The following CACNA2D1 variants were observed in gnomAD, a reference collection of about 807,000 sequenced individuals.
CACNA2D1 encodes calcium voltage-gated channel auxiliary subunit alpha2delta 1.
Under a neutral mutation model 171.5 loss-of-function variants are expected in CACNA2D1, and 53 were observed. The observed-to-expected ratio is 0.31, with a 90% CI of 0.25 to 0.39. CACNA2D1 has a LOEUF of 0.39. CACNA2D1 is among the 10% of genes least tolerant of loss of function. CACNA2D1 has a pLI of 1.00. For synonymous variants in CACNA2D1, 442 were observed against 443.1 expected, an observed-to-expected ratio of 1.00 and a Z score of 0.03; for missense variants, 903 against 1,299.8, an observed-to-expected ratio of 0.69 and a Z score of 4.69.
chr7:82,081,691 C>A (rs1246726895), intron 7 of CACNA2D1, among the ~76,000 whole-genome samples: 1 of 152,150 alleles, frequency 6.6e-6, no homozygotes, highest in African/African-American at 2.4e-5. Context: ...GGTCACTTTG[C>A]CAGCCAGAGA....
intron 4 of CACNA2D1, among the ~76,000 whole-genome samples, chr7:82,164,112 T>C (rs1379131748): frequency 6.6e-6 from 1 of 151,978 alleles, no homozygotes; most frequent in Non-Finnish European, 1.5e-5. Flanking sequence ...TGTACAGATA[T>C]ATTCAGACAT....
chr7:82,280,985 T>C (rs985146767), intron 3 of CACNA2D1, among the ~76,000 whole-genome samples: 22 of 152,320 alleles, frequency 1.4e-4, no homozygotes, highest in African/African-American at 4.1e-4. Context: ...TAGCTGCAAG[T>C]AACTGAAAAT....
chr7:82,238,751 T>C lies in CACNA2D1; in HGVS notation c.295-68142A>G, dbSNP rs532289529. 2.0e-5 allele frequency among the ~76,000 whole-genome samples: 3 copies of C among 152,228 alleles called. No homozygotes were observed. The South Asian group carries it at 6.2e-4, about 32-fold the overall frequency. ...TTTTGTATCGTCAGTGTTATCTGTA[T>C]GTCTGTTACACAGAAGTCACTCTTA... On this transcript the variant is annotated intron_variant, in intron 3 of 38. Transcript: ENST00000356860.
intron 3 of CACNA2D1, among the ~76,000 whole-genome samples, chr7:82,216,803 AT>A (rs201172025): frequency 1.1e-4 from 16 of 150,750 alleles, no homozygotes; most frequent in South Asian, 2.1e-4. Flanking sequence ...ACATCCATAA[AT>A]TTTTTTTTAA....
At chr7:82,338,942 A>G (rs1189706209) in intron 2 of CACNA2D1, among the ~76,000 whole-genome samples, 1 of 152,158 alleles carries the variant, frequency 6.6e-6, no homozygotes, top group African/African-American at 2.4e-5. Context: ...CAGCTGAAGG[A>G]TAATGGTAAA....
chr7:82,130,732 G>A (rs938363361), intron 5 of CACNA2D1, among the ~76,000 whole-genome samples: 10 of 150,172 alleles, frequency 6.7e-5, no homozygotes, highest in Non-Finnish European at 1.2e-4. Context: ...TACCCAGGAG[G>A]TATAATATTT....
intron 6 of CACNA2D1, among the ~76,000 whole-genome samples, chr7:82,104,050 A>G (rs1183342696): frequency 6.6e-6 from 1 of 152,050 alleles, no homozygotes; most frequent in Non-Finnish European, 1.5e-5. Context: ...ATCAGCTACT[A>G]AAAGTTTTAT....
intron 1 of CACNA2D1, among the ~76,000 whole-genome samples, chr7:82,368,752 TCA>T (rs1235729819): frequency 6.6e-6 from 1 of 152,144 alleles, no homozygotes; most frequent in Non-Finnish European, 1.5e-5. Flanking sequence ...TCCAGATACA[TCA>T]CAGTCATAGT....
intron 3 of CACNA2D1, among the ~76,000 whole-genome samples, chr7:82,221,686 G>A (rs1314838631): frequency 1.3e-5 from 2 of 151,482 alleles, no homozygotes; most frequent in African/African-American, 4.9e-5. Context: ...GGAGGTTGCA[G>A]TGAGCCAAGA....
intron 4 of CACNA2D1, among the ~76,000 whole-genome samples, chr7:82,169,420 TAG>T (rs3086937): frequency 0.15 from 22,259 of 151,992 alleles, 2,260 homozygotes; most frequent in African/African-American, 0.28. Flanking sequence ...AGTTGTCAAA[TAG>T]AGTCTCTCAT....
At chr7:82,224,309 C>T (rs757505102) in intron 3 of CACNA2D1, among the ~76,000 whole-genome samples, 2 of 152,018 alleles carry the variant, frequency 1.3e-5, no homozygotes, top group Non-Finnish European at 1.5e-5. Flanking sequence ...AATATTTGGC[C>T]GGGCGCAGTG....
chr7:82,162,291 C>CT (rs35313227), intron 4 of CACNA2D1, among the ~76,000 whole-genome samples: 1,650 of 149,190 alleles, frequency 0.011, 28 homozygotes, highest in African/African-American at 0.038. Flanking sequence ...GGGTAATAGA[C>CT]TTTTTTTTTT....
intron 12 of CACNA2D1, among the ~76,000 whole-genome samples, chr7:82,024,244 T>C (rs1011509785): frequency 2.6e-5 from 4 of 151,538 alleles, no homozygotes; most frequent in African/African-American, 9.7e-5. Flanking sequence ...TTTCCGTGGG[T>C]GCTGCACAAT....
chr7:82,172,161 T>C (rs1029030171), intron 3 of CACNA2D1, among the ~76,000 whole-genome samples: 27 of 151,942 alleles, frequency 1.8e-4, no homozygotes, highest in Admixed American at 9.9e-4. Context: ...AAATGGAGTA[T>C]ATAAGAAGCT....
At position 82,223,073 on chromosome 7, in the gene CACNA2D1, T is replaced by C. The variant is rs549541339; in HGVS notation, c.295-52464A>G. On this transcript the variant is annotated intron_variant, in intron 3 of 38. Coordinates refer to ENST00000356860, the MANE Select transcript of CACNA2D1 (RefSeq NM_000722.4). ...CACATGTCACCACACCCAGCTAATT[T>C]TTTTGTATTTTTAGTAGAGACAGGG... Among the ~76,000 whole-genome samples the C allele has an allele frequency of 2.0e-5, 3 of 151,988 alleles. No homozygotes were observed. The East Asian group carries it at 5.8e-4, about 30-fold the overall frequency.
chr7:82,004,410 CTAAAA>C (rs909356769), intron 18 of CACNA2D1, among the ~76,000 whole-genome samples: 67 of 151,376 alleles, frequency 4.4e-4, no homozygotes, highest in African/African-American at 1.6e-3. Context: ...GTCAGATAAA[CTAAAA>C]TAGACATTAG....
At chr7:81,986,457 G>C (rs1049487866) in intron 21 of CACNA2D1, among the ~76,000 whole-genome samples, 4 of 151,746 alleles carry the variant, frequency 2.6e-5, no homozygotes, top group African/African-American at 9.7e-5. Context: ...TTTTGGGACT[G>C]GATATCCTAA....
chr7:82,027,591 T>C (rs1422832457), intron 12 of CACNA2D1: 1 of 151,700 alleles, frequency 6.6e-6, no homozygotes, highest in Non-Finnish European at 1.5e-5. Flanking sequence ...ATAATATGCA[T>C]ATAATCATAT....
At chr7:82,227,459 G>C (rs1802478248) in intron 3 of CACNA2D1, among the ~76,000 whole-genome samples, 1 of 152,202 alleles carries the variant, frequency 6.6e-6, no homozygotes, top group South Asian at 2.1e-4. Flanking sequence ...TATCAGATTA[G>C]TGATTAGTTT....
Sources: gnomAD v4.1 joint callset for allele counts (sites outside exome capture counted in the v4.1 genomes callset) on GRCh38, gnomAD v4.1.1 for gene constraint, MANE v1.5 for transcripts, NCBI Gene and HGNC (gene_info 2026-07-23, HGNC 2026-07-21) for gene names.